Variants in VWA8 observed in about 807,000 individuals in gnomAD.
VWA8 encodes the protein von Willebrand factor A domain containing 8.
VWA8 carries 221 observed loss-of-function variants against 241.5 expected under a neutral mutation model. That is an observed-to-expected ratio of 0.91 (90% CI 0.82 to 1.02). VWA8 has a LOEUF of 1.02. VWA8 is among the 50% of genes least tolerant of loss of function. The probability of loss-of-function intolerance (pLI) is 0.00; values close to 1 mark genes in which losing one functional copy is unlikely to be tolerated. For missense variants in VWA8, 2,322 were observed against 2,328.7 expected (o/e 1.00, Z 0.06); for synonymous variants, 852 against 827.1 (o/e 1.03, Z -0.52).
intron 20 of VWA8, among the ~76,000 whole-genome samples, chr13:41,763,355 T>C (rs973853555): frequency 1.4e-5 from 2 of 144,588 alleles, no homozygotes; most frequent in African/African-American, 5.0e-5. Flanking sequence ...ATAGATAAAG[T>C]GGGATAAATT....
chr13:41,896,583 T>C (rs559845370), intron 4 of VWA8, among the ~76,000 whole-genome samples: 36 of 152,260 alleles, frequency 2.4e-4, no homozygotes, highest in African/African-American at 7.7e-4. Context: ...TAAATATCTT[T>C]AGTATAAATT....
intron 4 of VWA8, among the ~76,000 whole-genome samples, chr13:41,893,273 T>G (rs1262645149): frequency 1.3e-5 from 2 of 152,152 alleles, no homozygotes; most frequent in Non-Finnish European, 2.9e-5. Context: ...TTGCACTGTA[T>G]AGTAGAGCTT....
At chr13:41,680,432 C>T (rs183177388) in intron 35 of VWA8, among the ~76,000 whole-genome samples, 2 of 152,254 alleles carry the variant, frequency 1.3e-5, no homozygotes, top group East Asian at 3.9e-4. Context: ...TTACAGCCCA[C>T]ATTTATAAAA....
At chr13:41,739,857 G>GT (rs368778376) in intron 21 of VWA8, among the ~76,000 whole-genome samples, 139 of 64,492 alleles carry the variant, frequency 2.2e-3, no homozygotes, top group African/African-American at 2.9e-3. Flanking sequence ...TGTTTTTTTT[G>GT]TTTTTTTTTT....
intron 9 of VWA8, among the ~76,000 whole-genome samples, chr13:41,873,661 A>G (rs573510654): frequency 1.8e-4 from 27 of 152,332 alleles, no homozygotes; most frequent in African/African-American, 6.5e-4. Flanking sequence ...GAATAGACCA[A>G]TAACAGGAGC....
At chr13:41,770,367 G>A (rs1346947171) in intron 20 of VWA8, among the ~76,000 whole-genome samples, 5 of 151,720 alleles carry the variant, frequency 3.3e-5, no homozygotes, top group Admixed American at 3.3e-4. Context: ...CGTGAACCCG[G>A]GAGGCAGAGC....
In VWA8 at chr13:41,742,955, T is replaced by C. The variant is rs577090896; in HGVS notation, c.2427-10800A>G. Reference sequence around the variant, plus strand: ...GAAGAGGAAAGGATCTAAGATATTTTCTTAGAGGAAAACACTTTGATTTTC... The same window carrying C: ...GAAGAGGAAAGGATCTAAGATATTTCCTTAGAGGAAAACACTTTGATTTTC... On this transcript the variant is annotated intron_variant, in intron 21 of 44. Transcript: ENST00000379310. Among the ~76,000 whole-genome samples the C allele has an allele frequency of 2.6e-5, 4 of 152,312 alleles. No homozygotes were observed. In the South Asian group the frequency reaches 8.3e-4, roughly 32 times the overall value.
chr13:41,829,093 G>A (rs1202576017), intron 14 of VWA8, among the ~76,000 whole-genome samples: 3 of 152,086 alleles, frequency 2.0e-5, no homozygotes, highest in African/African-American at 4.8e-5. Flanking sequence ...TGAATTGACA[G>A]GGCAACAGAG....
intron 20 of VWA8, among the ~76,000 whole-genome samples, chr13:41,774,782 C>G (rs1378118000): frequency 1.3e-5 from 2 of 152,074 alleles, no homozygotes; most frequent in Non-Finnish European, 1.5e-5. Flanking sequence ...AGAAAAGGCC[C>G]TAATTAGAAG....
intron 26 of VWA8, among the ~76,000 whole-genome samples, chr13:41,718,698 T>G (rs1002135174): frequency 7.6e-6 from 1 of 132,266 alleles, no homozygotes; most frequent in Non-Finnish European, 1.6e-5. Context: ...CTTTGGAGAT[T>G]ATATATATAT....
At chr13:41,688,813 C>T (rs2045155287) in intron 34 of VWA8, among the ~76,000 whole-genome samples, 1 of 151,966 alleles carries the variant, frequency 6.6e-6, no homozygotes, top group African/African-American at 2.4e-5. Flanking sequence ...CAGATACTGA[C>T]ACCTACTTGA....
chr13:41,830,589 T>G lies in VWA8; in HGVS notation c.1640A>C (p.Glu547Ala). The G allele has an allele frequency of 6.2e-7, 1 of 1,613,940 alleles. No individual in the cohort carries two copies. Among genetic ancestry groups the G allele is most frequent in the Non-Finnish European group, 8.5e-7 (1 of 1,179,900 alleles). ...SLYDGSRLLR[E>A]DRYMRLKEEL... ...CTCCTTTAAACGCATATACCTGTCT[T>G]CTCTCAGCAGCCTAGAACCATCATA... Residue 547 changes from glutamate to alanine, a missense_variant, in exon 14 of 45, where the codon GAA (glutamate) becomes GCA (alanine). Physicochemically the swap from Glu to Ala is moderately radical, Grantham distance 107 (BLOSUM62 -1). Transcript: ENST00000379310.
chr13:41,680,686 G>A (rs1175161308), intron 35 of VWA8, among the ~76,000 whole-genome samples: 1 of 152,128 alleles, frequency 6.6e-6, no homozygotes, highest in Non-Finnish European at 1.5e-5. Context: ...AGATTAGGAT[G>A]GGATGGACCA....
chr13:41,815,236 A>G (rs1172506271), intron 16 of VWA8, among the ~76,000 whole-genome samples: 1 of 152,220 alleles, frequency 6.6e-6, no homozygotes, highest in Admixed American at 6.5e-5. Context: ...AGTATTTGGA[A>G]TGAGGCCCCA....
At chr13:41,604,909 C>A (rs1031278563) in intron 40 of VWA8, among the ~76,000 whole-genome samples, 1 of 152,062 alleles carries the variant, frequency 6.6e-6, no homozygotes, top group African/African-American at 2.4e-5. Context: ...GCATTGAGAG[C>A]TTTGTGAAAC....
intron 2 of VWA8, among the ~76,000 whole-genome samples, chr13:41,931,398 T>C (rs888771206): frequency 1.3e-4 from 20 of 150,840 alleles, no homozygotes; most frequent in Non-Finnish European, 1.5e-5. Context: ...AAAACATTGG[T>C]TACCAGGGGT....
chr13:41,770,785 T>C lies in VWA8; in HGVS notation c.2349+7200A>G, dbSNP rs111998973. ...TTTATTTTATAAGAAATATATAATA[T>C]ATTGGAGTTTTAGTAAGGGCAAAAA... On this transcript the variant is annotated intron_variant, in intron 20 of 44. Transcript: ENST00000379310. Among the ~76,000 whole-genome samples the C allele has an allele frequency of 6.2e-3, 933 of 151,526 alleles. 8 individuals carry two copies. The highest frequency in any genetic ancestry group is 0.022 in the African/African-American group (891 of 41,326).
intron 37 of VWA8, among the ~76,000 whole-genome samples, chr13:41,658,630 C>T (rs572036739): frequency 2.0e-5 from 3 of 152,348 alleles, no homozygotes; most frequent in Admixed American, 1.3e-4. Flanking sequence ...CTCCACGTCC[C>T]ATAGTCAGCC....
chr13:41,587,116 C>T (rs1593633043), intron 42 of VWA8, among the ~76,000 whole-genome samples: 2 of 152,094 alleles, frequency 1.3e-5, no homozygotes, highest in African/African-American at 2.4e-5. Flanking sequence ...ATAACCCCTG[C>T]CCATGTGGAA....
Sources: gnomAD v4.1 joint callset for allele counts (sites outside exome capture counted in the v4.1 genomes callset) on GRCh38, gnomAD v4.1.1 for gene constraint, MANE v1.5 for transcripts, NCBI Gene and HGNC (gene_info 2026-07-23, HGNC 2026-07-21) for gene names.